SLC6A5: variants seen among roughly 807,000 people sequenced by gnomAD.
The protein encoded by SLC6A5 is sodium- and chloride-dependent glycine transporter 2.
Under a neutral mutation model 90.5 loss-of-function variants are expected in SLC6A5, and 58 were observed. The observed-to-expected ratio is 0.64, with a 90% confidence interval of 0.52 to 0.80. The LOEUF is 0.80. Ranked by LOEUF, SLC6A5 falls within the 30% of genes least tolerant of loss-of-function variation. The pLI, the probability that SLC6A5 is intolerant of heterozygous loss-of-function variation, is 0.00. For synonymous variants in SLC6A5, 427 were observed against 401.4 expected (o/e 1.06, Z -0.76); for missense variants, 1,015 against 1,017.6 (o/e 1.00, Z 0.03).
chr11:20,602,465 A>G (rs1287711056), intron 2 of SLC6A5, among the ~76,000 whole-genome samples: 1 of 151,832 alleles, frequency 6.6e-6, no homozygotes, highest in Admixed American at 6.6e-5. Flanking sequence ...GTTCTCTTCA[A>G]TTTCCCTCTC....
chr11:20,649,724 A>G (rs1403309403), intron 14 of SLC6A5, among the ~76,000 whole-genome samples: 1 of 152,238 alleles, frequency 6.6e-6, no homozygotes, highest in Non-Finnish European at 1.5e-5. Flanking sequence ...CAATTACTGT[A>G]TACATAGTCA....
chr11:20,600,378 G>C (rs1590150668), intron 1 of SLC6A5, among the ~76,000 whole-genome samples: 2 of 149,734 alleles, frequency 1.3e-5, no homozygotes, highest in Non-Finnish European at 2.9e-5. Flanking sequence ...AGAAGAAGAA[G>C]AAGAAGAAGA....
At chr11:20,635,104 A>T (rs1853180064) in intron 10 of SLC6A5, among the ~76,000 whole-genome samples, 1 of 152,086 alleles carries the variant, frequency 6.6e-6, no homozygotes, top group Non-Finnish European at 1.5e-5. Flanking sequence ...CTGAATCAGA[A>T]CCGCTAACTT....
rs68111718 is a variant in SLC6A5, at chr11:20,618,945, G to GACAC, written c.1260+1093_1260+1096dup. Reference sequence around the variant, plus strand: ...GACAGAGTGAGATCCTGTCCCGCCCGACACACACACACACACACACACACA... The same window carrying GACAC: ...GACAGAGTGAGATCCTGTCCCGCCCGACACACACACACACACACACACACACACA... On this transcript the variant is annotated intron_variant, in intron 7 of 15. Transcript: ENST00000525748. 2.2e-3 allele frequency among the ~76,000 whole-genome samples: 333 copies of GACAC among 148,762 alleles called. 3 individuals carry two copies. The highest frequency in any genetic ancestry group is 7.1e-3 in the African/African-American group (286 of 40,542).
chr11:20,617,623 G>C (rs1033409874), intron 6 of SLC6A5, 129 bp from the exon 7 acceptor site: 14 of 786,072 alleles, frequency 1.8e-5, no homozygotes, highest in African/African-American at 1.5e-4. Flanking sequence ...TCCTGATGGT[G>C]GGGTGGGTGG....
chr11:20,608,387 T>C (rs1313789048), intron 5 of SLC6A5, among the ~76,000 whole-genome samples: 2 of 152,220 alleles, frequency 1.3e-5, no homozygotes, highest in African/African-American at 4.8e-5. Context: ...AGGGCAGCTA[T>C]GTCAGAAAGT....
At chr11:20,622,566 G>A (rs1178253504) in intron 7 of SLC6A5, among the ~76,000 whole-genome samples, 1 of 152,176 alleles carries the variant, frequency 6.6e-6, no homozygotes, top group Non-Finnish European at 1.5e-5. Context: ...TCAAGACCTT[G>A]AACGAGATAT....
At chr11:20,646,723 G>C in intron 13 of SLC6A5, 111 bp from the exon 14 acceptor site, 1 of 763,248 alleles carries the variant, frequency 1.3e-6, no homozygotes, top group Non-Finnish European at 2.4e-6. Context: ...ACAGGGCTGG[G>C]GCCAGCCCTA....
In SLC6A5 at chr11:20,654,946, C is replaced by A; in HGVS notation, c.*78C>A. On this transcript the variant is annotated 3_prime_UTR_variant, in exon 16 of 16. Coordinates refer to ENST00000525748, the MANE Select transcript of SLC6A5 (RefSeq NM_004211.5). ...TCCTAATGTTTTCCATAGCTCTCCT[C>A]CCATTTTTCTTCATCTTTCTTCCTA... The A allele has an allele frequency of 7.1e-7, 1 of 1,416,524 alleles. No individual in the cohort carries two copies. The highest frequency in any genetic ancestry group is 1.2e-5 in the South Asian group (1 of 86,764). The allele number at this position is 1,416,524 out of a possible 1,614,324, so 87.7% of individuals were successfully genotyped here.
chr11:20,651,911 GA>G (rs942042144), intron 14 of SLC6A5, among the ~76,000 whole-genome samples: 15 of 144,202 alleles, frequency 1.0e-4, no homozygotes, highest in Non-Finnish European at 1.1e-4. Context: ...GTCTCAAAAA[GA>G]AAAAAAAAAG....
chr11:20,633,452 A>G lies in SLC6A5; in HGVS notation c.1624+2637A>G, dbSNP rs182614038. 1.4e-3 allele frequency among the ~76,000 whole-genome samples: 214 copies of G among 152,332 alleles called. 1 individual carries two copies. The highest frequency in any genetic ancestry group is 4.7e-3 in the African/African-American group (197 of 41,580). On this transcript the variant is annotated intron_variant, in intron 10 of 15. Coordinates refer to ENST00000525748, the MANE Select transcript of SLC6A5 (RefSeq NM_004211.5). ...AAAGGCACAGAGGTCCAGGTGGCAT[A>G]TCCTCAGAGAGCTCATTCAATTTGT...
intron 7 of SLC6A5, among the ~76,000 whole-genome samples, chr11:20,622,448 C>T (rs901075161): frequency 6.6e-6 from 1 of 152,150 alleles, no homozygotes; most frequent in African/African-American, 2.4e-5. Context: ...CACTTGCCTC[C>T]CCCTAGTCCT....
Position 20,652,506 on chromosome 11 carries a change from A to G in SLC6A5, c.2238+50A>G, listed in dbSNP as rs774924917. ...CCCAATTCCTCCCAAGGGAAAGCCC[A>G]TAAAAGCTCTGCATGTTAAAAAACA... On this transcript the variant is annotated intron_variant, in intron 15 of 15. Coordinates refer to ENST00000525748, the MANE Select transcript of SLC6A5 (RefSeq NM_004211.5). 1.9e-6 allele frequency: 3 copies of G among 1,540,288 alleles called. No individual in the cohort carries two copies. The Admixed American group carries it at 5.0e-5, about 26-fold the overall frequency.
rs114371627 is a variant in SLC6A5, at chr11:20,636,517, C to T, written c.1737+98C>T. On this transcript the variant is annotated intron_variant, in intron 11 of 15. Transcript: ENST00000525748. ...ACCCTTCAGGAGAGGGGTAGGCTTA[C>T]GGGTGTCTGAATGTTTCTCCCGAGA... is the stretch of plus-strand genomic sequence containing the variant. The T allele has an allele frequency of 1.9e-3, 1,438 of 776,456 alleles. 10 individuals are homozygous for T. The African/African-American group carries it at 0.021, about 11-fold the overall frequency. The allele number at this position is 776,456 out of a possible 1,614,324, so 48.1% of individuals were successfully genotyped here.
Position 20,626,719 on chromosome 11 carries a change from C to G in SLC6A5, c.1272C>G (p.Phe424Leu). 1 of 1,614,100 alleles carries G rather than the reference C, an allele frequency of 6.2e-7. No homozygotes were observed. The highest frequency in any genetic ancestry group is 1.1e-5 in the South Asian group (1 of 91,064). The change falls in exon 8 of 16, where the codon TTC becomes TTG. Residue 424 changes from phenylalanine to leucine, a missense_variant. Phe to Leu is a conservative substitution (Grantham distance 22). Around this residue, in one of 3 missense-constraint regions of SLC6A5, gnomAD observed 442 missense variants for 494.3 expected, o/e 0.89. Coordinates refer to ENST00000525748, the MANE Select transcript of SLC6A5 (RefSeq NM_004211.5). ...CATGGCTTTTCTAGGTGGTGTACTT[C>G]ACGGCCACGTTCCCGTATGTCGTAC... ...GIKTSGKVVY[F>L]TATFPYVVLV...
chr11:20,631,038 C>A (rs1276216508), intron 10 of SLC6A5, among the ~76,000 whole-genome samples: 1 of 152,228 alleles, frequency 6.6e-6, no homozygotes, highest in Admixed American at 6.5e-5. Context: ...TAAAAGCCCT[C>A]TTTCCTTCTC....
intron 9 of SLC6A5, among the ~76,000 whole-genome samples, 191 bp from the exon 10 acceptor site, chr11:20,630,500 G>A (rs757072119): frequency 1.3e-5 from 2 of 152,222 alleles, no homozygotes; most frequent in Non-Finnish European, 1.5e-5. Flanking sequence ...AGGGCTATTA[G>A]GGGATATCGT....
chr11:20,647,212 TA>T (rs1853433422), intron 14 of SLC6A5, among the ~76,000 whole-genome samples: 1 of 53,514 alleles, frequency 1.9e-5, no homozygotes, highest in Non-Finnish European at 4.1e-5. Flanking sequence ...TATCAGTTCC[TA>T]TATATATATA....
intron 2 of SLC6A5, 30 bp from the exon 3 acceptor site, chr11:20,604,256 G>T (rs781068736): frequency 6.3e-7 from 1 of 1,595,644 alleles, no homozygotes; most frequent in Non-Finnish European, 8.6e-7. Flanking sequence ...ACTCGGGGCT[G>T]TTATCGACAA....
Sources: gnomAD v4.1 joint callset for allele counts (sites outside exome capture counted in the v4.1 genomes callset) on GRCh38, gnomAD v4.1.1 for gene constraint, gnomAD v4.1.1 regional missense constraint, MANE v1.5 for transcripts, NCBI Gene and HGNC (gene_info 2026-07-23, HGNC 2026-07-21) for gene names.